The following EYS variants were observed in gnomAD, a reference collection of about 807,000 sequenced individuals.
EYS encodes the protein EGF-like photoreceptor maintenance factor, also known as protein eyes shut homolog.
EYS carries 250 observed loss-of-function variants against 282.1 expected under a neutral mutation model. The ratio of observed to expected loss-of-function variants is 0.89; its 90% CI spans 0.80 to 0.98. The LOEUF is 0.98. Among genes scored for constraint, EYS ranks in the 50% least tolerant of loss-of-function variants. EYS has a pLI of 0.00. For synonymous variants in EYS, 1,355 were observed against 1,282.9 expected (o/e 1.06, Z -1.20); for missense variants, 4,016 against 3,709.0 (o/e 1.08, Z -2.15).
At chr6:63,817,809 G>C (rs1277665834) in intron 36 of EYS, among the ~76,000 whole-genome samples, 1 of 152,180 alleles carries the variant, frequency 6.6e-6, no homozygotes, top group Non-Finnish European at 1.5e-5. Context: ...CCCTGCAGTT[G>C]GTTGGATTCT....
chr6:63,945,008 T>A (rs1428847939), intron 35 of EYS, among the ~76,000 whole-genome samples: 1 of 152,022 alleles, frequency 6.6e-6, no homozygotes, highest in African/African-American at 2.4e-5. Context: ...TAAAAAAAAA[T>A]ATTGTCAATG....
chr6:65,210,473 T>G (rs1766146474), intron 12 of EYS, among the ~76,000 whole-genome samples: 1 of 152,014 alleles, frequency 6.6e-6, no homozygotes, highest in African/African-American at 2.4e-5. Flanking sequence ...TGACGTTTAA[T>G]AATTTCATTT....
chr6:65,164,064 A>T (rs1008985063), intron 12 of EYS, among the ~76,000 whole-genome samples: 3 of 151,350 alleles, frequency 2.0e-5, no homozygotes, highest in African/African-American at 7.3e-5. Context: ...ACATGAGCAG[A>T]TAACTGAGGA....
At chr6:65,566,322 G>T (rs993571065) in intron 2 of EYS, among the ~76,000 whole-genome samples, 5 of 151,870 alleles carry the variant, frequency 3.3e-5, no homozygotes, top group African/African-American at 1.2e-4. Context: ...CAGTATACTG[G>T]CAAGTCACTG....
chr6:63,782,230 G>T (rs932281078), intron 39 of EYS, among the ~76,000 whole-genome samples: 1 of 152,118 alleles, frequency 6.6e-6, no homozygotes, highest in Non-Finnish European at 1.5e-5. Context: ...TTGTTTCTCT[G>T]CCAGGCTTTG....
At chr6:64,545,655 T>C (rs1217254777) in intron 26 of EYS, among the ~76,000 whole-genome samples, 1 of 152,200 alleles carries the variant, frequency 6.6e-6, no homozygotes, top group Non-Finnish European at 1.5e-5. Flanking sequence ...CTCAAGCTGA[T>C]AGGCAACTTC....
At chr6:64,902,579 G>C in intron 16 of EYS, 79 bp from the exon 17 acceptor site, 1 of 765,562 alleles carries the variant, frequency 1.3e-6, no homozygotes, top group Non-Finnish European at 2.0e-6. Flanking sequence ...GTAGTCTAAA[G>C]AATACACTCA....
At chr6:64,528,278 T>G (rs1003456366) in intron 26 of EYS, among the ~76,000 whole-genome samples, 4 of 151,908 alleles carry the variant, frequency 2.6e-5, no homozygotes, top group African/African-American at 9.7e-5. Flanking sequence ...ATCATTTATC[T>G]ACCAGGGACT....
At chr6:65,015,695 A>G (rs75432143) in intron 13 of EYS, among the ~76,000 whole-genome samples, 2,806 of 152,016 alleles carry the variant, frequency 0.018, 73 homozygotes, top group East Asian at 0.13. Flanking sequence ...TTAGTTTTTT[A>G]CAATGATGTC....
intron 2 of EYS, among the ~76,000 whole-genome samples, chr6:65,617,043 C>A (rs1449985056): frequency 6.6e-6 from 1 of 151,984 alleles, no homozygotes; most frequent in Non-Finnish European, 1.5e-5. Flanking sequence ...AACATTAGGA[C>A]ATGGATTTTT....
intron 8 of EYS, among the ~76,000 whole-genome samples, chr6:65,369,302 G>GTATAATATATATATTATATATATATATT (rs1765038691): frequency 4.6e-5 from 3 of 65,772 alleles, no homozygotes; most frequent in East Asian, 4.6e-4. Context: ...ATATATTTAT[G>GTATAATATATATATTATATATATATATT]TATAATATAT....
chr6:65,332,600 T>C (rs1180602324), intron 11 of EYS, among the ~76,000 whole-genome samples: 1 of 151,360 alleles, frequency 6.6e-6, no homozygotes, highest in Non-Finnish European at 1.5e-5. Context: ...TGCCTATAGT[T>C]TTCTTGTGAT....
intron 34 of EYS, among the ~76,000 whole-genome samples, chr6:63,994,537 T>A (rs1767747474): frequency 6.6e-6 from 1 of 151,862 alleles, no homozygotes; most frequent in Non-Finnish European, 1.5e-5. Flanking sequence ...ACATCTTGGA[T>A]AGCAAACCTT....
intron 18 of EYS, among the ~76,000 whole-genome samples, chr6:64,896,744 G>A (rs1209106135): frequency 6.6e-6 from 1 of 152,036 alleles, no homozygotes; most frequent in Non-Finnish European, 1.5e-5. Flanking sequence ...AGTCCACCTG[G>A]GATGCTGGAG....
chr6:64,223,205 C>T (rs1378481058), intron 31 of EYS, among the ~76,000 whole-genome samples: 1 of 151,862 alleles, frequency 6.6e-6, no homozygotes, highest in Non-Finnish European at 1.5e-5. Context: ...ACTGTTTAAC[C>T]ATTGTCACTT....
intron 12 of EYS, among the ~76,000 whole-genome samples, chr6:65,101,947 T>G (rs2150183698): frequency 6.6e-6 from 1 of 151,398 alleles, no homozygotes; most frequent in African/African-American, 2.4e-5. Flanking sequence ...TGTGAAATTC[T>G]TATGAACTTG....
chr6:63,860,696 A>G (rs1247605306), intron 36 of EYS, among the ~76,000 whole-genome samples: 1 of 152,188 alleles, frequency 6.6e-6, no homozygotes, highest in Non-Finnish European at 1.5e-5. Context: ...AAACGACCTG[A>G]ATGCAATTCT....
chr6:64,708,203 A>T (rs1278251102), intron 22 of EYS, among the ~76,000 whole-genome samples: 2 of 152,232 alleles, frequency 1.3e-5, no homozygotes, highest in Non-Finnish European at 2.9e-5. Flanking sequence ...TTCTAGCTTA[A>T]ATAATTGGTT....
intron 19 of EYS, among the ~76,000 whole-genome samples, chr6:64,824,628 A>T (rs1329954954): frequency 1.3e-5 from 2 of 151,880 alleles, no homozygotes; most frequent in Non-Finnish European, 2.9e-5. Flanking sequence ...ATTTTCAGTT[A>T]AAAAAAGATA....
Sources: allele counts gnomAD v4.1 joint callset (sites outside exome capture counted in the v4.1 genomes callset), GRCh38; gene constraint gnomAD v4.1.1; transcripts MANE v1.5; gene names NCBI Gene and HGNC (gene_info 2026-07-23, HGNC 2026-07-21).